Variants in CPQ observed in about 807,000 individuals in gnomAD.
CPQ encodes Ser-Met dipeptidase.
In CPQ, 37 loss-of-function variants were observed where a neutral mutation model predicts 45.7. The observed-to-expected ratio is 0.81, with a 90% CI of 0.62 to 1.07. The LOEUF (loss-of-function observed/expected upper bound fraction) is 1.07, where lower values mean the gene tolerates loss of function less well. Ranked by LOEUF, CPQ falls within the 50% of genes least tolerant of loss-of-function variation. CPQ has a pLI of 0.00. For missense variants in CPQ, 537 were observed against 572.9 expected (o/e 0.94, Z 0.64); for synonymous variants, 186 against 205.8 (o/e 0.90, Z 0.82).
intron 6 of CPQ, among the ~76,000 whole-genome samples, chr8:97,043,739 A>G (rs1196509815): frequency 1.3e-5 from 2 of 152,124 alleles, no homozygotes; most frequent in Non-Finnish European, 1.5e-5. Flanking sequence ...TCCTTAACTT[A>G]TGAAGCTTAG....
intron 1 of CPQ, among the ~76,000 whole-genome samples, chr8:96,655,541 G>T (rs567018519): frequency 6.6e-6 from 1 of 151,918 alleles, no homozygotes; most frequent in African/African-American, 2.4e-5. Context: ...TCTTTTTTCT[G>T]CCACTTTATA....
intron 4 of CPQ, among the ~76,000 whole-genome samples, chr8:96,929,954 G>A (rs930101490): frequency 4.6e-5 from 7 of 151,574 alleles, no homozygotes; most frequent in African/African-American, 4.8e-5. Context: ...CTTGGGTGAG[G>A]TATAATAAGA....
chr8:97,023,022 A>ATATATACTATATATATAC (rs1554584147), intron 5 of CPQ, among the ~76,000 whole-genome samples: 4 of 146,784 alleles, frequency 2.7e-5, no homozygotes, highest in African/African-American at 1.0e-4. Context: ...TATATAGTAT[A>ATATATACTATATATATAC]TATATACAGT....
rs201995228 is a variant in CPQ, at chr8:97,106,532, A to C, written c.1256-36488A>C. 5.3e-4 allele frequency among the ~76,000 whole-genome samples: 80 copies of C among 152,360 alleles called. 2 individuals carry two copies. The East Asian group carries it at 0.014, about 27-fold the overall frequency. ...AGCTGCTCCTTGGGAGCCACTGGCC[A>C]CATGTGGCTAATAAAATATGTTTAA... On this transcript the variant is annotated intron_variant, in intron 7 of 7. Coordinates refer to ENST00000220763, the MANE Select transcript of CPQ (RefSeq NM_016134.4).
chr8:96,817,355 C>T (rs930986320), intron 2 of CPQ, among the ~76,000 whole-genome samples: 2 of 152,136 alleles, frequency 1.3e-5, no homozygotes, highest in African/African-American at 4.8e-5. Context: ...TCAGAACTCA[C>T]TGCTCACAGG....
At chr8:96,675,255 G>A (rs113282728) in intron 1 of CPQ, among the ~76,000 whole-genome samples, 3,689 of 152,002 alleles carry the variant, frequency 0.024, 165 homozygotes, top group African/African-American at 0.084. Context: ...TGTCTTATGT[G>A]TCATTTAAGA....
At chr8:96,985,630 G>A (rs190541012) in intron 5 of CPQ, among the ~76,000 whole-genome samples, 56 of 152,254 alleles carry the variant, frequency 3.7e-4, no homozygotes, top group Admixed American at 1.0e-3. Flanking sequence ...GGGGTGAGGA[G>A]AACTATGAAA....
chr8:96,820,348 C>CA (rs1425548186), intron 2 of CPQ, among the ~76,000 whole-genome samples: 1 of 151,778 alleles, frequency 6.6e-6, no homozygotes, highest in African/African-American at 2.4e-5. Context: ...GGCTCTTTTT[C>CA]AAAAAAATAT....
In CPQ at chr8:96,965,931, C is replaced by G. The variant is rs1054493475; in HGVS notation, c.850-4C>G. On this transcript the variant is annotated splice_region_variant and splice_polypyrimidine_tract_variant and intron_variant, in intron 4 of 7. Transcript: ENST00000220763. ...ATTTTTTAACTTTTTATTATTTGTT[C>G]TAGGTTGTACTGGTCAGTGGACATC... 1.3e-6 allele frequency: 2 copies of G among 1,567,550 alleles called. No homozygotes were observed. Among genetic ancestry groups the G allele is most frequent in the South Asian group, 2.4e-5 (2 of 83,028 alleles).
chr8:97,114,475 G>T (rs1403054921), intron 7 of CPQ, among the ~76,000 whole-genome samples: 8 of 152,208 alleles, frequency 5.3e-5, no homozygotes, highest in African/African-American at 1.9e-4. Flanking sequence ...ATGTGGAAGT[G>T]CCTGGCACAC....
intron 7 of CPQ, among the ~76,000 whole-genome samples, chr8:97,123,129 A>AAAATAAAATAAAATAAAAT (rs1563587204): frequency 4.9e-4 from 48 of 98,028 alleles, no homozygotes; most frequent in African/African-American, 2.1e-3. Flanking sequence ...TAAAATAAAT[A>AAAATAAAATAAAATAAAAT]AAATAAAATA....
intron 2 of CPQ, among the ~76,000 whole-genome samples, chr8:96,827,405 T>C (rs1423854970): frequency 6.6e-6 from 1 of 152,060 alleles, no homozygotes; most frequent in African/African-American, 2.4e-5. Context: ...ATCTTTAGGA[T>C]ATAGGACCTA....
intron 7 of CPQ, among the ~76,000 whole-genome samples, chr8:97,137,391 A>C (rs966993381): frequency 1.3e-5 from 2 of 152,160 alleles, no homozygotes; most frequent in African/African-American, 4.8e-5. Context: ...CTGTTTCCTG[A>C]CATCCACAAT....
chr8:97,033,822 T>A (rs1430047837), intron 6 of CPQ, among the ~76,000 whole-genome samples: 2 of 152,160 alleles, frequency 1.3e-5, no homozygotes, highest in Admixed American at 1.3e-4. Context: ...TAATAATAAA[T>A]CAGTTTGTGG....
At chr8:96,881,403 C>G (rs1280583555) in intron 4 of CPQ, among the ~76,000 whole-genome samples, 1 of 152,116 alleles carries the variant, frequency 6.6e-6, no homozygotes. Flanking sequence ...AACCAGATCT[C>G]ATGAGAACTC....
chr8:96,799,769 G>A (rs1443838813), intron 2 of CPQ, among the ~76,000 whole-genome samples: 1 of 152,174 alleles, frequency 6.6e-6, no homozygotes, highest in African/African-American at 2.4e-5. Context: ...CAAATGATAA[G>A]CTCTGGGAGG....
chr8:96,888,831 GT>G (rs1437885668), intron 4 of CPQ, among the ~76,000 whole-genome samples: 1 of 152,108 alleles, frequency 6.6e-6, no homozygotes, highest in Non-Finnish European at 1.5e-5. Flanking sequence ...ATGTTTTAGT[GT>G]TTTTTATTAT....
intron 1 of CPQ, among the ~76,000 whole-genome samples, chr8:96,674,656 G>A (rs949504358): frequency 8.5e-5 from 13 of 152,068 alleles, no homozygotes; most frequent in African/African-American, 2.7e-4. Flanking sequence ...AACAAAATGT[G>A]AACAAAATGT....
intron 4 of CPQ, among the ~76,000 whole-genome samples, chr8:96,951,810 T>G (rs1813270295): frequency 6.6e-6 from 1 of 152,058 alleles, no homozygotes; most frequent in African/African-American, 2.4e-5. Flanking sequence ...AAAACATGCT[T>G]ATGCTTTTCA....
Sources: allele counts gnomAD v4.1 joint callset (sites outside exome capture counted in the v4.1 genomes callset), GRCh38; gene constraint gnomAD v4.1.1; transcripts MANE v1.5; gene names NCBI Gene and HGNC (gene_info 2026-07-23, HGNC 2026-07-21).